ZCWPW2: variants seen among roughly 807,000 people sequenced by gnomAD.
ZCWPW2 encodes zinc finger CW-type and PWWP domain containing 2, also known as zinc finger CW-type PWWP domain protein 2.
In ZCWPW2, 45 loss-of-function variants were observed where a neutral mutation model predicts 46.6. The observed-to-expected ratio is 0.96, with a 90% CI of 0.76 to 1.24. The LOEUF (loss-of-function observed/expected upper bound fraction) is 1.24. ZCWPW2 is among the 50% of genes most tolerant of loss of function. The pLI, the probability that ZCWPW2 is intolerant of heterozygous loss-of-function variation, is 0.00. For synonymous variants in ZCWPW2, 152 were observed against 137.1 expected (o/e 1.11, Z -0.76); for missense variants, 429 against 403.9 (o/e 1.06, Z -0.53).
At chr3:28,495,128 C>T (rs931498034) in intron 6 of ZCWPW2, among the ~76,000 whole-genome samples, 10 of 151,768 alleles carry the variant, frequency 6.6e-5, no homozygotes, top group Non-Finnish European at 1.3e-4. Context: ...CAAGTCAATC[C>T]TAAGCCAAAA....
chr3:28,367,337 A>G (rs1353837211), intron 1 of ZCWPW2, among the ~76,000 whole-genome samples: 3 of 152,126 alleles, frequency 2.0e-5, no homozygotes, highest in South Asian at 4.1e-4. Flanking sequence ...AGATTCTGGT[A>G]TGTTGTGTCT....
Position 28,452,689 on chromosome 3 carries a change from C to T in ZCWPW2, c.492+17420C>T, listed in dbSNP as rs1205028502. Among the ~76,000 whole-genome samples the T allele has an allele frequency of 2.6e-5, 4 of 152,120 alleles. No individual in the cohort carries two copies. In the East Asian group the frequency reaches 7.7e-4, roughly 29 times the overall value. ...ATACATGTAAAGCATTTAGCATGTG[C>T]TTGTCATACAGTAGGCTCTCAATAA... On this transcript the variant is annotated intron_variant, in intron 4 of 9. Coordinates refer to ENST00000383768, the MANE Select transcript of ZCWPW2 (RefSeq NM_001040432.4).
rs564361547 is a variant in ZCWPW2, at chr3:28,421,389, T to C, written c.332+7989T>C. Among the ~76,000 whole-genome samples the C allele has an allele frequency of 2.0e-5, 3 of 152,304 alleles. No homozygotes were observed. In the East Asian group the frequency reaches 5.8e-4, roughly 29 times the overall value. On this transcript the variant is annotated intron_variant, in intron 3 of 9. Coordinates refer to ENST00000383768, the MANE Select transcript of ZCWPW2 (RefSeq NM_001040432.4). ...AGCAGGAAGGGTGCTCCATTATTGC[T>C]GGGTGATTTGCAGTCCAGGCTCACC...
intron 1 of ZCWPW2, among the ~76,000 whole-genome samples, chr3:28,381,048 G>GTGTATA (rs1380215866): frequency 9.0e-5 from 1 of 11,092 alleles, no homozygotes; most frequent in East Asian, 5.2e-3. Context: ...TATATATTTG[G>GTGTATA]TGTATATATA....
intron 4 of ZCWPW2, among the ~76,000 whole-genome samples, chr3:28,454,048 G>T (rs1559510994): frequency 6.6e-6 from 1 of 151,614 alleles, no homozygotes; most frequent in Non-Finnish European, 1.5e-5. Flanking sequence ...GTTTCACCGT[G>T]TTAGCCAGGA....
chr3:28,512,546 T>C (rs1700454969), intron 6 of ZCWPW2, among the ~76,000 whole-genome samples: 1 of 152,160 alleles, frequency 6.6e-6, no homozygotes, highest in Non-Finnish European at 1.5e-5. Context: ...TTTGTTTCTA[T>C]ATTATTCTTA....
intron 1 of ZCWPW2, among the ~76,000 whole-genome samples, chr3:28,358,948 A>G (rs1704839533): frequency 6.6e-6 from 1 of 152,102 alleles, no homozygotes; most frequent in South Asian, 2.1e-4. Flanking sequence ...ATGTGTACAA[A>G]TAGCTGTGCT....
chr3:28,371,608 A>G (rs998205664), intron 1 of ZCWPW2, among the ~76,000 whole-genome samples: 1 of 152,148 alleles, frequency 6.6e-6, no homozygotes, highest in African/African-American at 2.4e-5. Flanking sequence ...ACAGGGAGCT[A>G]TGATTGTGCC....
intron 1 of ZCWPW2, among the ~76,000 whole-genome samples, chr3:28,366,778 T>A (rs1454533341): frequency 9.7e-4 from 147 of 152,270 alleles, no homozygotes; most frequent in African/African-American, 3.5e-3. Context: ...GGTCCTGGAC[T>A]TTTTTTGGTT....
intron 4 of ZCWPW2, among the ~76,000 whole-genome samples, chr3:28,456,552 A>T (rs62402969): frequency 6.6e-6 from 1 of 152,144 alleles, no homozygotes; most frequent in African/African-American, 2.4e-5. Context: ...ATCTTGTTCC[A>T]GTTTTCAAGG....
intron 5 of ZCWPW2, among the ~76,000 whole-genome samples, chr3:28,483,177 C>A (rs185009289): frequency 1.3e-5 from 2 of 152,246 alleles, no homozygotes; most frequent in East Asian, 3.9e-4. Context: ...GGTGTAAGAT[C>A]AGTGTCTAAA....
At chr3:28,428,556 G>C (rs556368035) in intron 3 of ZCWPW2, 17 of 152,204 alleles carry the variant, frequency 1.1e-4, no homozygotes, top group African/African-American at 3.6e-4. Flanking sequence ...CTAATACCAG[G>C]CATGAAATAT....
At chr3:28,373,360 G>T (rs1481174501) in intron 1 of ZCWPW2, among the ~76,000 whole-genome samples, 1 of 152,200 alleles carries the variant, frequency 6.6e-6, no homozygotes, top group East Asian at 1.9e-4. Context: ...TTACTGGGGT[G>T]GGATGATATC....
chr3:28,486,562 T>C (rs1380268770), intron 5 of ZCWPW2, among the ~76,000 whole-genome samples: 4 of 152,128 alleles, frequency 2.6e-5, no homozygotes, highest in African/African-American at 9.7e-5. Flanking sequence ...AAAGTCTTTA[T>C]TTCTCCTTCA....
At chr3:28,385,237 G>A (rs1695230324) in intron 1 of ZCWPW2, among the ~76,000 whole-genome samples, 1 of 152,148 alleles carries the variant, frequency 6.6e-6, no homozygotes, top group Non-Finnish European at 1.5e-5. Context: ...CAAAGGGACA[G>A]GGGTCAATAG....
chr3:28,517,120 T>A (rs567840862), intron 8 of ZCWPW2, among the ~76,000 whole-genome samples: 9 of 152,362 alleles, frequency 5.9e-5, no homozygotes, highest in Non-Finnish European at 1.3e-4. Context: ...TACTTTTTCC[T>A]CCTCATCACC....
chr3:28,388,055 A>T (rs962481344), intron 1 of ZCWPW2, among the ~76,000 whole-genome samples: 5 of 152,150 alleles, frequency 3.3e-5, no homozygotes, highest in African/African-American at 1.2e-4. Context: ...GAGACAGAAA[A>T]GAGTGGCAGT....
At chr3:28,505,651 T>A (rs969449537) in intron 6 of ZCWPW2, among the ~76,000 whole-genome samples, 16 of 152,260 alleles carry the variant, frequency 1.1e-4, no homozygotes, top group African/African-American at 3.8e-4. Context: ...CAAAGGGAAA[T>A]GAGGATATTG....
At chr3:28,429,217 G>T (rs1196462627) in intron 3 of ZCWPW2, among the ~76,000 whole-genome samples, 1 of 152,176 alleles carries the variant, frequency 6.6e-6, no homozygotes, top group Non-Finnish European at 1.5e-5. Flanking sequence ...GGTGGTCTCA[G>T]ATGAAAATGA....
Sources: gnomAD v4.1 joint callset for allele counts (sites outside exome capture counted in the v4.1 genomes callset) on GRCh38, gnomAD v4.1.1 for gene constraint, MANE v1.5 for transcripts, NCBI Gene and HGNC (gene_info 2026-07-23, HGNC 2026-07-21) for gene names.